Variants in QRICH1 observed in about 807,000 individuals in gnomAD.
QRICH1 encodes the protein transcriptional regulator QRICH1.
QRICH1 carries 16 observed loss-of-function variants against 87.1 expected under a neutral mutation model. The ratio of observed to expected loss-of-function variants is 0.18; its 90% CI spans 0.12 to 0.28. QRICH1 has a LOEUF of 0.28. QRICH1 is among the 10% of genes least tolerant of loss of function. The probability of loss-of-function intolerance (pLI) is 1.00; values close to 1 mark genes in which losing one functional copy is unlikely to be tolerated. For missense variants in QRICH1, 647 were observed against 951.7 expected (o/e 0.68, Z 4.21); for synonymous variants, 367 against 368.4 (o/e 1.00, Z 0.05).
At chr3:49,054,215 A>T (rs2093388018) in intron 3 of QRICH1, among the ~76,000 whole-genome samples, 1 of 152,156 alleles carries the variant, frequency 6.6e-6, no homozygotes, top group Non-Finnish European at 1.5e-5. Context: ...AACAGAGACC[A>T]CTAAGTACCA....
At chr3:49,089,830 T>C (rs2042239939) in intron 1 of QRICH1, among the ~76,000 whole-genome samples, 1 of 152,138 alleles carries the variant, frequency 6.6e-6, no homozygotes, top group Non-Finnish European at 1.5e-5. Flanking sequence ...TATCACAGAA[T>C]AACAGCTGTC....
intron 1 of QRICH1, chr3:49,083,259 G>T (rs1480360441): frequency 2.7e-5 from 4 of 149,182 alleles, no homozygotes; most frequent in Non-Finnish European, 4.4e-5. Context: ...CATGCCTGCA[G>T]TCCCAGCTAC....
intron 5 of QRICH1, 101 bp downstream of exon 5, chr3:49,046,324 T>A (rs1001401596): frequency 7.8e-7 from 1 of 1,277,864 alleles, no homozygotes; most frequent in Non-Finnish European, 1.1e-6. Context: ...GAAAGAGAAC[T>A]TCCTTATTTT....
chr3:49,044,274 C>A, intron 6 of QRICH1, 116 bp downstream of exon 6: 1 of 790,166 alleles, frequency 1.3e-6, no homozygotes, highest in Admixed American at 2.5e-5. Context: ...AATGCTGCTG[C>A]AGTCTGGGAT....
At position 49,057,661 on chromosome 3, in the gene QRICH1, A is replaced by T. The variant is rs1183142932; in HGVS notation, c.539T>A (p.Ile180Asn). The part of the protein sequence containing the change: ...QVQHVQAAQQ[I>N]QAAEIPEEHI... ...CTCCTCCGGGATTTCTGCAGCCTGG[A>T]TCTGCTGGGCTGCTTGCACGTGCTG... Residue 180 changes from isoleucine to asparagine, a missense_variant, in exon 3 of 10, where the codon ATC (isoleucine) becomes AAC (asparagine). This residue lies in a region of QRICH1 where 156 missense variants were observed against 164.5 expected (regional missense o/e 0.95). Transcript: ENST00000395443. The surrounding 1 kb of genome is among the most constrained non-coding windows in gnomAD (Gnocchi z 5.4). 6.2e-7 allele frequency: 1 copy of T among 1,614,022 alleles called. No homozygotes were observed. Among genetic ancestry groups the T allele is most frequent in the East Asian group, 2.2e-5 (1 of 44,896 alleles).
intron 1 of QRICH1, among the ~76,000 whole-genome samples, chr3:49,088,618 GTTTTTTTTTTT>G (rs1206382284): frequency 2.1e-5 from 2 of 93,180 alleles, no homozygotes; most frequent in Middle Eastern, 5.9e-3. Context: ...GCTTTTGTCT[GTTTTTTTTTTT>G]TTTTTTTTTT....
intron 2 of QRICH1, among the ~76,000 whole-genome samples, chr3:49,063,352 G>A (rs925326731): frequency 8.6e-4 from 131 of 152,180 alleles, no homozygotes; most frequent in Non-Finnish European, 2.6e-4. Context: ...TACTAACTCT[G>A]AAATTCTAAG....
intron 3 of QRICH1, among the ~76,000 whole-genome samples, chr3:49,048,719 C>T (rs1318731071): frequency 7.6e-6 from 1 of 132,408 alleles, no homozygotes; most frequent in Non-Finnish European, 1.5e-5. Context: ...ATCCAGGAGG[C>T]GGAGCTTGCA....
chr3:49,053,293 C>T (rs1194269430), intron 3 of QRICH1, among the ~76,000 whole-genome samples: 5 of 152,072 alleles, frequency 3.3e-5, no homozygotes, highest in Middle Eastern at 3.4e-3. Context: ...TCGAGACCAT[C>T]CTGACTAACA....
chr3:49,054,780 T>C (rs1158417303), intron 3 of QRICH1, among the ~76,000 whole-genome samples: 2 of 152,088 alleles, frequency 1.3e-5, no homozygotes, highest in Non-Finnish European at 2.9e-5. Flanking sequence ...TCTGTGCCTA[T>C]AGTCCCAGCT....
At chr3:49,030,786 C>A in intron 9 of QRICH1, 142 bp from the exon 10 acceptor site, 1 of 729,012 alleles carries the variant, frequency 1.4e-6, no homozygotes, top group South Asian at 2.0e-5. Flanking sequence ...GCAGCCACCA[C>A]ACACTACATC....
chr3:49,082,008 G>A (rs767038793), intron 1 of QRICH1, among the ~76,000 whole-genome samples: 2 of 152,062 alleles, frequency 1.3e-5, no homozygotes, highest in Admixed American at 6.6e-5. Context: ...GGGTATCACC[G>A]TGTTGGCTAA....
intron 1 of QRICH1, among the ~76,000 whole-genome samples, chr3:49,086,325 C>T (rs1331939235): frequency 1.3e-5 from 2 of 150,738 alleles, no homozygotes; most frequent in Admixed American, 6.6e-5. Flanking sequence ...GGTGCGATCT[C>T]GGCTCACTGT....
chr3:49,084,162 T>C (rs1286283219), intron 1 of QRICH1, among the ~76,000 whole-genome samples: 1 of 152,032 alleles, frequency 6.6e-6, no homozygotes, highest in Non-Finnish European at 1.5e-5. Context: ...GCCAGGCTGG[T>C]CTCGAACTCT....
rs57402124 is a variant in QRICH1 at position 49,043,496 on chromosome 3, CAAAAAAAAAAA to C, written c.1786+883_1786+893del. ...GGGCAACAAGAGCAAAACTCTGTCTCAAAAAAAAAAAAAAAAAAAAAAAAAAAGTCTATTAA... is the reference window on the plus strand; with the variant it reads ...GGGCAACAAGAGCAAAACTCTGTCTCAAAAAAAAAAAAAAAAGTCTATTAA... On this transcript the variant is annotated intron_variant, in intron 6 of 9. Transcript: ENST00000395443. 3.2e-3 allele frequency among the ~76,000 whole-genome samples: 120 copies of C among 37,618 alleles called. 2 individuals are homozygous for C. Among genetic ancestry groups the C allele is most frequent in the East Asian group, 0.025 (88 of 3,468 alleles). 24.7% of individuals were successfully genotyped at this position (37,618 alleles called of 152,430 possible).
intron 3 of QRICH1, among the ~76,000 whole-genome samples, chr3:49,050,248 CAAAAAAAAAAA>C (rs527597101): frequency 0.016 from 816 of 52,416 alleles, 39 homozygotes; most frequent in African/African-American, 0.077. Context: ...GACTCCGTCT[CAAAAAAAAAAA>C]AAAAAAAAAA....
chr3:49,039,428 C>G (rs917024423), intron 6 of QRICH1, among the ~76,000 whole-genome samples: 1 of 151,728 alleles, frequency 6.6e-6, no homozygotes, highest in Middle Eastern at 3.2e-3. Flanking sequence ...TGCCTGAAAT[C>G]CCAGCACTTC....
At chr3:49,048,439 T>C (rs2093351014) in intron 3 of QRICH1, among the ~76,000 whole-genome samples, 1 of 150,384 alleles carries the variant, frequency 6.6e-6, no homozygotes, top group Non-Finnish European at 1.5e-5. Context: ...GCACTGATTC[T>C]TAAACTGGGT....
chr3:49,093,856 C>T (rs1187854226), intron 1 of QRICH1, 56 bp downstream of exon 1: 9 of 142,348 alleles, frequency 6.3e-5, no homozygotes, highest in East Asian at 1.8e-4. Context: ...GTGGGGTGGG[C>T]CCCCCGTCTC....
Sources: gnomAD v4.1 joint callset for allele counts (sites outside exome capture counted in the v4.1 genomes callset) on GRCh38, gnomAD v4.1.1 for gene constraint, gnomAD v4.1.1 regional missense constraint, Gnocchi (gnomAD v3.1) non-coding constraint, MANE v1.5 for transcripts, NCBI Gene and HGNC (gene_info 2026-07-23, HGNC 2026-07-21) for gene names.